PLEK: variants seen among roughly 807,000 people sequenced by gnomAD.
PLEK encodes platelet 47 kDa protein.
A neutral mutation model predicts 43.9 loss-of-function variants in PLEK; 25 were observed. The ratio of observed to expected loss-of-function variants is 0.57; its 90% CI spans 0.41 to 0.79. PLEK has a LOEUF of 0.79. Ranked by LOEUF, PLEK falls within the 30% of genes least tolerant of loss-of-function variation. The pLI is 0.00. For missense variants in PLEK, 396 were observed against 413.3 expected (o/e 0.96, Z 0.36); for synonymous variants, 152 against 144.4 (o/e 1.05, Z -0.38).
At chr2:68,381,915 C>T (rs142340139) in intron 3 of PLEK, among the ~76,000 whole-genome samples, 28 of 152,294 alleles carry the variant, frequency 1.8e-4, no homozygotes, top group African/African-American at 6.0e-4. Flanking sequence ...GAAAAATGCT[C>T]GGGCTATAGG....
intron 6 of PLEK, 104 bp downstream of exon 6, chr2:68,388,595 A>G: frequency 1.6e-6 from 1 of 639,496 alleles, no homozygotes; most frequent in South Asian, 1.9e-5. Flanking sequence ...ATAGTCAAGC[A>G]GAAAATGAAA....
At chr2:68,388,787 G>C (rs1673801474) in intron 6 of PLEK, among the ~76,000 whole-genome samples, 1 of 151,996 alleles carries the variant, frequency 6.6e-6, no homozygotes, top group African/African-American at 2.4e-5. Flanking sequence ...AATTGTCTAA[G>C]AGATGCCATC....
At position 68,365,295 on chromosome 2, in the gene PLEK, C is replaced by T. The variant is rs1422278532; in HGVS notation, c.-57C>T. The T allele has an allele frequency of 2.0e-6, 3 of 1,511,664 alleles. No homozygotes were observed. Among genetic ancestry groups the T allele is most frequent in the Admixed American group, 3.4e-5 (2 of 59,586 alleles). The allele number at this position is 1,511,664 out of a possible 1,614,324, so 93.6% of individuals were successfully genotyped here. The stretch of plus-strand genomic sequence containing the variant: ...AGCCACCTCAGCATGCAGAGGAGGC[C>T]CAGCTGCTGAGAGGAGTTGCCTGAG... On this transcript the variant is annotated 5_prime_UTR_variant, in exon 1 of 9. Transcript: ENST00000234313.
At chr2:68,368,893 C>T (rs923151013) in intron 1 of PLEK, among the ~76,000 whole-genome samples, 1 of 152,062 alleles carries the variant, frequency 6.6e-6, no homozygotes, top group Non-Finnish European at 1.5e-5. Flanking sequence ...TCCTTTGAGG[C>T]TGGGAGAAAG....
chr2:68,396,240 T>A lies in PLEK; in HGVS notation c.*424T>A. 6.0e-6 allele frequency: 1 copy of A among 167,000 alleles called. No individual in the cohort carries two copies. Among genetic ancestry groups the A allele is most frequent in the South Asian group, 1.5e-4 (1 of 6,614 alleles). The allele number at this position is 167,000 out of a possible 1,614,324, so 10.3% of individuals were successfully genotyped here. ...CTGGTGTCCTTCCTTGGCTAAGTCT[T>A]GGCCTTCAGTTATCTTCAAATGTAC... On this transcript the variant is annotated 3_prime_UTR_variant, in exon 9 of 9. Coordinates refer to ENST00000234313, the MANE Select transcript of PLEK (RefSeq NM_002664.3).
At chr2:68,373,407 A>G (rs1477028059) in intron 1 of PLEK, among the ~76,000 whole-genome samples, 1 of 152,022 alleles carries the variant, frequency 6.6e-6, no homozygotes, top group Non-Finnish European at 1.5e-5. Context: ...AGAAAAGCAC[A>G]ACGTGAAGGT....
At chr2:68,395,127 A>G (rs1673940768) in intron 8 of PLEK, among the ~76,000 whole-genome samples, 1 of 152,034 alleles carries the variant, frequency 6.6e-6, no homozygotes, top group Non-Finnish European at 1.5e-5. Flanking sequence ...AAAACAGTTC[A>G]GGCTATAACT....
At chr2:68,385,994 G>A (rs1014131416) in intron 4 of PLEK, among the ~76,000 whole-genome samples, 1 of 152,170 alleles carries the variant, frequency 6.6e-6, no homozygotes, top group African/African-American at 2.4e-5. Context: ...GGATAAGTGA[G>A]TGGGTTAGTA....
intron 4 of PLEK, among the ~76,000 whole-genome samples, chr2:68,383,732 A>G (rs1330173471): frequency 6.6e-6 from 1 of 152,208 alleles, no homozygotes; most frequent in Non-Finnish European, 1.5e-5. Flanking sequence ...GGAGAGATCA[A>G]AGGAAGAAAA....
At chr2:68,369,657 G>A (rs921651962) in intron 1 of PLEK, among the ~76,000 whole-genome samples, 1 of 152,048 alleles carries the variant, frequency 6.6e-6, no homozygotes, top group African/African-American at 2.4e-5. Context: ...AATGCTTTAT[G>A]TATATTATCT....
rs143222884 is a variant in PLEK at position 68,380,712 on chromosome 2, T to C, written c.199-11T>C. 3.0e-4 allele frequency: 484 copies of C among 1,612,016 alleles called. 3 individuals carry two copies. In the African/African-American group the frequency reaches 5.8e-3, roughly 19 times the overall value. ...TAAGCCATTTCTAATGGGATGTGTTTTGATTTTCAGTTTGTGTTTAAGATC... is the reference window on the plus strand; with the variant it reads ...TAAGCCATTTCTAATGGGATGTGTTCTGATTTTCAGTTTGTGTTTAAGATC... On this transcript the variant is annotated splice_polypyrimidine_tract_variant and intron_variant, in intron 2 of 8. Coordinates refer to ENST00000234313, the MANE Select transcript of PLEK (RefSeq NM_002664.3).
At chr2:68,389,050 G>T (rs564170565) in intron 6 of PLEK, among the ~76,000 whole-genome samples, 1 of 152,238 alleles carries the variant, frequency 6.6e-6, no homozygotes, top group Non-Finnish European at 1.5e-5. Context: ...GTCCTGGGGG[G>T]ATGTCCAGGT....
At chr2:68,387,287 G>A (rs1300802415) in intron 5 of PLEK, among the ~76,000 whole-genome samples, 4 of 152,090 alleles carry the variant, frequency 2.6e-5, no homozygotes, top group Admixed American at 2.6e-4. Context: ...CTTATTCTAA[G>A]CAATAATTCA....
intron 7 of PLEK, among the ~76,000 whole-genome samples, chr2:68,393,849 C>A (rs1397499169): frequency 6.6e-6 from 1 of 152,178 alleles, no homozygotes; most frequent in Non-Finnish European, 1.5e-5. Flanking sequence ...TCCACCTCTC[C>A]TGTCACTTTT....
At chr2:68,390,226 A>C (rs573083192) in intron 6 of PLEK, among the ~76,000 whole-genome samples, 1 of 152,284 alleles carries the variant, frequency 6.6e-6, no homozygotes, top group East Asian at 1.9e-4. Context: ...TGATAGGTAC[A>C]ATTTAGCCTT....
At chr2:68,391,678 G>A (rs746423694) in intron 6 of PLEK, among the ~76,000 whole-genome samples, 2 of 152,170 alleles carry the variant, frequency 1.3e-5, no homozygotes, top group African/African-American at 4.8e-5. Flanking sequence ...GGCACTGTTT[G>A]CTAAGACCAC....
chr2:68,388,482 A>G lies in PLEK; in HGVS notation c.753A>G (p.Leu251=), dbSNP rs371856967. 1 of 1,577,142 alleles carries G rather than the reference A, an allele frequency of 6.3e-7. No individual in the cohort carries two copies. Among genetic ancestry groups the G allele is most frequent in the Non-Finnish European group, 8.7e-7 (1 of 1,146,198 alleles). The change falls in exon 6 of 9, where the codon TTA becomes TTG. Residue 251 remains leucine, a synonymous_variant. Transcript: ENST00000234313. ...GGGTCATTATCAAGCAGGGATGTTT[A>G]CTGAAGCAGGTGAGTGGCCACAACT... The part of the protein sequence containing the change: ...FRGVIIKQGC[L]LKQGHRRKNW...
chr2:68,386,578 G>T lies in PLEK; in HGVS notation c.549G>T (p.Ser183=). The T allele has an allele frequency of 6.2e-7, 1 of 1,613,210 alleles. No individual in the cohort carries two copies. Among genetic ancestry groups the T allele is most frequent in the Admixed American group, 1.7e-5 (1 of 59,976 alleles). ...NRQEGLMIAS[S]LLNEGYLQPA... The stretch of plus-strand genomic sequence containing the variant: ...AGGAAGGCCTCATGATTGCTTCATC[G>T]CTGCTCAATGAGGGGTATCTGCAGC... Residue 183 remains serine (S), a synonymous_variant, in exon 5 of 9, where the codon TCG becomes TCT. Coordinates refer to ENST00000234313, the MANE Select transcript of PLEK (RefSeq NM_002664.3).
In PLEK at chr2:68,396,678, A is replaced by G. The variant is rs1209124910; in HGVS notation, c.*862A>G. 6.6e-6 allele frequency: 1 copy of G among 151,448 alleles called. No homozygotes were observed. Among genetic ancestry groups the G allele is most frequent in the East Asian group, 1.9e-4 (1 of 5,166 alleles). 9.4% of individuals were successfully genotyped at this position (151,448 alleles called of 1,614,324 possible). The stretch of plus-strand genomic sequence containing the variant: ...ATTACAATTAGGAGGGGGACCCCAC[A>G]TCTGTGAGATTCTGTTTCATTTGAG... On this transcript the variant is annotated 3_prime_UTR_variant, in exon 9 of 9. Coordinates refer to ENST00000234313, the MANE Select transcript of PLEK (RefSeq NM_002664.3).
Sources: allele counts gnomAD v4.1 joint callset (sites outside exome capture counted in the v4.1 genomes callset), GRCh38; gene constraint gnomAD v4.1.1; transcripts MANE v1.5; gene names NCBI Gene and HGNC (gene_info 2026-07-23, HGNC 2026-07-21).